CRISPLD2: variants seen among roughly 807,000 people sequenced by gnomAD.
CRISPLD2 encodes cysteine rich secretory protein LCCL domain containing 2.
A neutral mutation model predicts 71.1 loss-of-function variants in CRISPLD2; 47 were observed. The observed-to-expected ratio is 0.66, with a 90% CI of 0.52 to 0.84. The LOEUF (loss-of-function observed/expected upper bound fraction) is 0.84. Ranked by LOEUF, CRISPLD2 falls within the 40% of genes least tolerant of loss-of-function variation. The pLI is 0.00. For synonymous variants in CRISPLD2, 317 were observed against 250.1 expected (o/e 1.27, Z -2.52); for missense variants, 830 against 651.1 (o/e 1.27, Z -2.99).
intron 11 of CRISPLD2, 65 bp downstream of exon 11, chr16:84,874,028 C>G (rs1223681656): frequency 7.9e-6 from 11 of 1,387,144 alleles, no homozygotes; most frequent in Non-Finnish European, 1.0e-5. Context: ...CTGGAAATTT[C>G]ACTTCCTTTA....
At chr16:84,849,615 C>A in intron 4 of CRISPLD2, 98 bp downstream of exon 4, 1 of 1,289,294 alleles carries the variant, frequency 7.8e-7, no homozygotes, top group Non-Finnish European at 1.1e-6. Flanking sequence ...AGCCTCTGCG[C>A]TGTTGTTGCC....
rs568496005 is a variant in CRISPLD2, at chr16:84,845,486, T to C, written c.241-300T>C. 7.2e-5 allele frequency among the ~76,000 whole-genome samples: 11 copies of C among 152,314 alleles called. No homozygotes were observed. In the East Asian group the frequency reaches 2.1e-3, roughly 29 times the overall value. On this transcript the variant is annotated intron_variant, in intron 2 of 14. Coordinates refer to ENST00000262424, the MANE Select transcript of CRISPLD2 (RefSeq NM_031476.4). The stretch of plus-strand genomic sequence containing the variant: ...TTGTCTTCCACACAGCGTGCCGTGT[T>C]ACCCTCAGAGGTCACTCAGCATGGC...
intron 2 of CRISPLD2, among the ~76,000 whole-genome samples, chr16:84,841,144 C>A (rs892305847): frequency 1.3e-5 from 2 of 152,166 alleles, no homozygotes; most frequent in Non-Finnish European, 2.9e-5. Context: ...ATACGGGGAG[C>A]TGCAAGAAAG....
chr16:84,849,880 GC>G (rs1460898819), intron 4 of CRISPLD2, among the ~76,000 whole-genome samples: 1 of 138,078 alleles, frequency 7.2e-6, no homozygotes, highest in Non-Finnish European at 1.6e-5. Context: ...ACGAGGCCTG[GC>G]TAATTTTTGT....
chr16:84,838,878 G>T, intron 2 of CRISPLD2, 143 bp downstream of exon 2: 1 of 1,068,858 alleles, frequency 9.4e-7, no homozygotes, highest in East Asian at 2.6e-5. Flanking sequence ...GGAGGATCCC[G>T]GCTCTGTTCT....
intron 14 of CRISPLD2, among the ~76,000 whole-genome samples, chr16:84,889,882 AG>A (rs2071646496): frequency 6.6e-6 from 1 of 152,088 alleles, no homozygotes; most frequent in Non-Finnish European, 1.5e-5. Flanking sequence ...GAGTTAAATA[AG>A]ATTAGGGAGC....
At chr16:84,859,379 G>A (rs1327715651) in intron 6 of CRISPLD2, among the ~76,000 whole-genome samples, 1 of 152,206 alleles carries the variant, frequency 6.6e-6, no homozygotes, top group Non-Finnish European at 1.5e-5. Flanking sequence ...CTCAGAGCCA[G>A]TGTCCAGTAG....
chr16:84,849,310 G>C, intron 3 of CRISPLD2, 75 bp from the exon 4 acceptor site: 8 of 1,438,568 alleles, frequency 5.6e-6, no homozygotes, highest in Non-Finnish European at 7.6e-6. Context: ...CCTCCTACCT[G>C]CCCGTGGCTG....
At chr16:84,832,494 C>T (rs1416992726) in intron 1 of CRISPLD2, among the ~76,000 whole-genome samples, 7 of 152,348 alleles carry the variant, frequency 4.6e-5, no homozygotes, top group South Asian at 2.1e-4. Context: ...AGAGTCATCC[C>T]GTAAATATTT....
chr16:84,871,122 G>C (rs1470234994), intron 8 of CRISPLD2, among the ~76,000 whole-genome samples: 22 of 152,134 alleles, frequency 1.4e-4, no homozygotes, highest in Admixed American at 1.4e-3. Flanking sequence ...TTGACTTTTT[G>C]CTTGGAATAT....
At chr16:84,854,958 G>A in intron 6 of CRISPLD2, 129 bp downstream of exon 6, 3 of 722,524 alleles carry the variant, frequency 4.2e-6, no homozygotes, top group Non-Finnish European at 7.4e-6. Context: ...GACGCTCTCA[G>A]CACATTCCTC....
chr16:84,865,538 A>G (rs1455656681), intron 6 of CRISPLD2, among the ~76,000 whole-genome samples: 2 of 152,090 alleles, frequency 1.3e-5, no homozygotes, highest in Admixed American at 6.5e-5. Context: ...TTTTCACCCA[A>G]ATACATCTGT....
At chr16:84,842,549 T>C (rs1237929463) in intron 2 of CRISPLD2, among the ~76,000 whole-genome samples, 1 of 151,650 alleles carries the variant, frequency 6.6e-6, no homozygotes, top group East Asian at 1.9e-4. Context: ...AATTTTTGTA[T>C]TTCTGGTAGA....
intron 10 of CRISPLD2, 24 bp from the exon 11 acceptor site, chr16:84,873,892 CGTTT>C: frequency 7.2e-7 from 1 of 1,382,270 alleles, no homozygotes; most frequent in Non-Finnish European, 9.8e-7. Context: ...ACCTAATGCC[CGTTT>C]TTTTTTTTTT....
chr16:84,867,539 C>T (rs943861120), intron 7 of CRISPLD2, among the ~76,000 whole-genome samples: 3 of 152,190 alleles, frequency 2.0e-5, no homozygotes, highest in Middle Eastern at 6.3e-3. Context: ...GCTGAGGTCT[C>T]CCTGTACATT....
At position 84,861,336 on chromosome 16, in the gene CRISPLD2, T is replaced by G; in HGVS notation, c.710-5561T>G. Among the ~76,000 whole-genome samples, 2 of 152,042 alleles carry G rather than the reference T, an allele frequency of 1.3e-5. 1 individual carries two copies. Among genetic ancestry groups the G allele is most frequent in the Non-Finnish European group, 2.9e-5 (2 of 68,018 alleles). ...ACAGAACTAATAGGATATATATATA[T>G]AGGGGAGTTTATTAAGGAGTGTTAA... On this transcript the variant is annotated intron_variant, in intron 6 of 14. Transcript: ENST00000262424.
chr16:84,853,536 C>A (rs1917147556), intron 5 of CRISPLD2, among the ~76,000 whole-genome samples: 2 of 152,226 alleles, frequency 1.3e-5, no homozygotes. Context: ...CTCCCCTGCC[C>A]ACAGGCCCCT....
At chr16:84,840,340 C>T (rs1016599922) in intron 2 of CRISPLD2, among the ~76,000 whole-genome samples, 2 of 152,176 alleles carry the variant, frequency 1.3e-5, no homozygotes, top group Non-Finnish European at 2.9e-5. Flanking sequence ...AAAGTATTAG[C>T]ACCAATTTGC....
At chr16:84,901,473 T>C (rs916229558) in intron 14 of CRISPLD2, among the ~76,000 whole-genome samples, 1 of 149,932 alleles carries the variant, frequency 6.7e-6, no homozygotes, top group African/African-American at 2.4e-5. Flanking sequence ...CTGCACTTTT[T>C]TTTTTTTTTT....
Sources: allele counts gnomAD v4.1 joint callset (sites outside exome capture counted in the v4.1 genomes callset), GRCh38; gene constraint gnomAD v4.1.1; transcripts MANE v1.5; gene names NCBI Gene and HGNC (gene_info 2026-07-23, HGNC 2026-07-21).